The following SEMA3C variants were observed in gnomAD, a reference collection of about 807,000 sequenced individuals.
SEMA3C encodes the protein semaphorin 3C.
SEMA3C carries 47 observed loss-of-function variants against 89.4 expected under a neutral mutation model. The ratio of observed to expected loss-of-function variants is 0.53; its 90% CI spans 0.42 to 0.67. The LOEUF (loss-of-function observed/expected upper bound fraction) is 0.67. SEMA3C is among the 30% of genes least tolerant of loss of function. The pLI, the probability that SEMA3C is intolerant of heterozygous loss-of-function variation, is 0.00. For missense variants in SEMA3C, 839 were observed against 929.1 expected, an observed-to-expected ratio of 0.90 and a Z score of 1.26; for synonymous variants, 310 against 320.2, an observed-to-expected ratio of 0.97 and a Z score of 0.34.
intron 2 of SEMA3C, among the ~76,000 whole-genome samples, chr7:80,868,513 C>T (rs1213405241): frequency 1.3e-5 from 2 of 152,140 alleles, no homozygotes; most frequent in Non-Finnish European, 2.9e-5. Flanking sequence ...AAGTGATCCG[C>T]CTGCCTCAGC....
chr7:80,874,222 A>G (rs896700998), intron 2 of SEMA3C, among the ~76,000 whole-genome samples: 7 of 152,122 alleles, frequency 4.6e-5, no homozygotes, highest in African/African-American at 1.7e-4. Flanking sequence ...TGCTCCTAAC[A>G]ACCCCAACAA....
At chr7:80,777,266 A>G (rs956147440) in intron 12 of SEMA3C, among the ~76,000 whole-genome samples, 2 of 152,130 alleles carry the variant, frequency 1.3e-5, no homozygotes, top group African/African-American at 4.8e-5. Flanking sequence ...GAATGACACT[A>G]AAAACCATTC....
At chr7:80,750,435 CATATATATATATAT>C (rs71520704) in intron 16 of SEMA3C, among the ~76,000 whole-genome samples, 123 of 71,072 alleles carry the variant, frequency 1.7e-3, no homozygotes, top group African/African-American at 5.7e-3. Context: ...TACATACGTA[CATATATATATATAT>C]ATATATATAT....
At chr7:80,834,439 C>G (rs9886246) in intron 2 of SEMA3C, among the ~76,000 whole-genome samples, 139,204 of 152,162 alleles carry the variant, frequency 0.91, 63,689 homozygotes, top group East Asian at 1. Context: ...CTAAGCCCTG[C>G]CAACAGAAGC....
Position 80,887,017 on chromosome 7 carries a change from A to T in SEMA3C, c.103+29662T>A, listed in dbSNP as rs533419056. Among the ~76,000 whole-genome samples the T allele has an allele frequency of 7.7e-4, 118 of 152,306 alleles. 4 individuals carry two copies. The South Asian group carries it at 0.024, about 30-fold the overall frequency. ...ATAAAATCATTAATATGTTATATAA[A>T]TTAAATTAACTAAAATTTCAGCCTC... On this transcript the variant is annotated intron_variant, in intron 2 of 17. Coordinates refer to ENST00000265361, the MANE Select transcript of SEMA3C (RefSeq NM_006379.5).
Position 80,827,405 on chromosome 7 carries a change from T to TTG in SEMA3C, c.327+19_327+20insCA, listed in dbSNP as rs1789899212. Reference sequence around the variant, plus strand: ...ATTTAAGTTAGTGTTTTTTTTTTTTTTTTTTTTTTTAACACTTACTGTGGG... The same window carrying TTG: ...ATTTAAGTTAGTGTTTTTTTTTTTTTTGTTTTTTTTTTAACACTTACTGTGGG... On this transcript the variant is annotated intron_variant, in intron 4 of 17. Transcript: ENST00000265361. 3.3e-6 allele frequency: 5 copies of TTG among 1,496,988 alleles called. No individual in the cohort carries two copies. The highest frequency in any genetic ancestry group is 4.4e-6 in the Non-Finnish European group (5 of 1,129,174). 92.7% of individuals were successfully genotyped at this position (1,496,988 alleles called of 1,614,324 possible).
chr7:80,812,677 C>T (rs1273430452), intron 5 of SEMA3C, among the ~76,000 whole-genome samples: 1 of 152,140 alleles, frequency 6.6e-6, no homozygotes, highest in Non-Finnish European at 1.5e-5. Context: ...CTATCTCAAG[C>T]ACCCTGAAAT....
At chr7:80,840,706 T>C (rs908764292) in intron 2 of SEMA3C, among the ~76,000 whole-genome samples, 2 of 151,894 alleles carry the variant, frequency 1.3e-5, no homozygotes, top group African/African-American at 2.4e-5. Context: ...GAATGAAGAA[T>C]TAAGTCTTCC....
rs541344721 is a variant in SEMA3C at position 80,856,226 on chromosome 7, A to T, written c.104-27481T>A. Among the ~76,000 whole-genome samples, 41 of 152,226 alleles carry T rather than the reference A, an allele frequency of 2.7e-4. No homozygotes were observed. The South Asian group carries it at 6.0e-3, about 22-fold the overall frequency. ...AGGATAACAATGGATTTGACAGATTATCTGAATTTTTTTAAATGACCCCTT... is the reference window on the plus strand; with the variant it reads ...AGGATAACAATGGATTTGACAGATTTTCTGAATTTTTTTAAATGACCCCTT... On this transcript the variant is annotated intron_variant, in intron 2 of 17. Transcript: ENST00000265361.
At chr7:80,887,781 C>T (rs1487952134) in intron 2 of SEMA3C, among the ~76,000 whole-genome samples, 1 of 152,104 alleles carries the variant, frequency 6.6e-6, no homozygotes, top group Admixed American at 6.5e-5. Flanking sequence ...TCTTAAAAGA[C>T]TCCAAATACG....
chr7:80,754,957 GTTTT>G (rs1368382376), intron 15 of SEMA3C, among the ~76,000 whole-genome samples: 1 of 108,368 alleles, frequency 9.2e-6, no homozygotes, highest in African/African-American at 3.5e-5. Flanking sequence ...GTTTTTTTTT[GTTTT>G]TTTTTTTTTT....
At chr7:80,785,067 T>G (rs1379826601) in intron 12 of SEMA3C, among the ~76,000 whole-genome samples, 1 of 152,132 alleles carries the variant, frequency 6.6e-6, no homozygotes, top group Admixed American at 6.6e-5. Context: ...AATTAATAAT[T>G]AATTTTGCTT....
chr7:80,919,560 T>G (rs1326595819), upstream of SEMA3C, among the ~76,000 whole-genome samples: 7 of 28,430 alleles, frequency 2.5e-4, no homozygotes, highest in Admixed American at 1.0e-3. Flanking sequence ...TTCTGCTGCG[T>G]TTTTTTTTTG....
At position 80,895,732 on chromosome 7, in the gene SEMA3C, G is replaced by A. The variant is rs79925497; in HGVS notation, c.103+20947C>T. Among the ~76,000 whole-genome samples, 999 of 152,104 alleles carry A rather than the reference G, an allele frequency of 6.6e-3. 54 individuals carry two copies. The East Asian group carries it at 0.13, about 19-fold the overall frequency. On this transcript the variant is annotated intron_variant, in intron 2 of 17. Coordinates refer to ENST00000265361, the MANE Select transcript of SEMA3C (RefSeq NM_006379.5). ...TTATGAGCTTTATAATGAGGAGAAT[G>A]CCTTAAAAAATCTTGTTAAAGATAC...
chr7:80,890,035 G>A (rs1238122287), intron 2 of SEMA3C, among the ~76,000 whole-genome samples: 3 of 152,160 alleles, frequency 2.0e-5, no homozygotes, highest in Non-Finnish European at 4.4e-5. Flanking sequence ...TGCATTAAGA[G>A]AAACCATTTG....
chr7:80,890,831 G>A (rs915224101), intron 2 of SEMA3C, among the ~76,000 whole-genome samples: 1 of 152,190 alleles, frequency 6.6e-6, no homozygotes, highest in Non-Finnish European at 1.5e-5. Context: ...GCCTTAAACT[G>A]ATGCATCATC....
intron 2 of SEMA3C, among the ~76,000 whole-genome samples, chr7:80,877,865 A>C (rs887551366): frequency 6.6e-6 from 1 of 152,176 alleles, no homozygotes; most frequent in Non-Finnish European, 1.5e-5. Flanking sequence ...AGTTGGAAGC[A>C]ATATGACTGA....
rs1466960073 is a variant in SEMA3C at position 80,775,631 on chromosome 7, T to A, written c.1355-10388A>T. Among the ~76,000 whole-genome samples the A allele has an allele frequency of 2.6e-5, 4 of 152,120 alleles. No individual in the cohort carries two copies. In the East Asian group the frequency reaches 7.7e-4, roughly 29 times the overall value. The stretch of plus-strand genomic sequence containing the variant: ...TGGCAAAATCTGTCCTGACTTGAAC[T>A]AATTTGGTCATAAAACCTGACCTGC... On this transcript the variant is annotated intron_variant, in intron 12 of 17. Transcript: ENST00000265361.
intron 2 of SEMA3C, among the ~76,000 whole-genome samples, chr7:80,854,174 TA>T (rs1480909627): frequency 6.6e-6 from 1 of 152,158 alleles, no homozygotes; most frequent in Non-Finnish European, 1.5e-5. Flanking sequence ...AATATTCTCA[TA>T]AATCTGGAAG....
Sources: gnomAD v4.1 joint callset for allele counts (sites outside exome capture counted in the v4.1 genomes callset) on GRCh38, gnomAD v4.1.1 for gene constraint, MANE v1.5 for transcripts, NCBI Gene and HGNC (gene_info 2026-07-23, HGNC 2026-07-21) for gene names.